TNNI1: variants seen among roughly 807,000 people sequenced by gnomAD.
TNNI1 encodes the protein troponin I1, slow skeletal type, also known as troponin I, slow skeletal muscle.
Under a neutral mutation model 26.7 loss-of-function variants are expected in TNNI1, and 14 were observed. The observed-to-expected ratio is 0.52, with a 90% CI of 0.35 to 0.82. TNNI1 has a LOEUF of 0.82. TNNI1 is among the 40% of genes least tolerant of loss of function. The pLI, the probability that TNNI1 is intolerant of heterozygous loss-of-function variation, is 0.01. For synonymous variants in TNNI1, 79 were observed against 98.2 expected (o/e 0.80, Z 1.16); for missense variants, 164 against 257.0 (o/e 0.64, Z 2.47).
chr1:201,417,755 G>A (rs780185941), intron 2 of TNNI1, 28 bp downstream of exon 2: 2 of 1,313,766 alleles, frequency 1.5e-6, no homozygotes. Flanking sequence ...GCCTTCCTGG[G>A]GCCCCAGATG....
Position 201,407,152 on chromosome 1 carries a change from AAGG to A in TNNI1, c.*2098_*2100del, listed in dbSNP as rs1662534157. On this transcript the variant is annotated 3_prime_UTR_variant, in exon 9 of 9. Transcript: ENST00000361379. The stretch of plus-strand genomic sequence containing the variant: ...GGGAAGAGCTGGAAAGAGGTGAAAC[AAGG>A]AGATCGCTTTGGATCCAGGCCAACC... 6.6e-6 allele frequency: 1 copy of A among 152,390 alleles called. No individual in the cohort carries two copies. The highest frequency in any genetic ancestry group is 6.5e-5 in the Admixed American group (1 of 15,304). 9.4% of individuals were successfully genotyped at this position (152,390 alleles called of 1,614,324 possible). A position where few individuals can be genotyped will look rare whatever the true frequency, so the allele number is the denominator to read the frequency against.
chr1:201,417,914 A>G, intron 1 of TNNI1, 102 bp from the exon 2 acceptor site: 1 of 875,560 alleles, frequency 1.1e-6, no homozygotes, highest in Non-Finnish European at 1.6e-6. Flanking sequence ...TCAGAACACA[A>G]AAGGAAGAAA....
rs1171639847 is a variant in TNNI1, at chr1:201,408,663, T to C, written c.*590A>G. 6.6e-6 allele frequency: 1 copy of C among 151,544 alleles called. No individual in the cohort carries two copies. Among genetic ancestry groups the C allele is most frequent in the Non-Finnish European group, 1.5e-5 (1 of 67,910 alleles). The allele number at this position is 151,544 out of a possible 1,614,324, so 9.4% of individuals were successfully genotyped here. ...TGAGCTGAGCATCCTGGGTGGTGAG[T>C]GTGTGCAGTGTGACGTCACAGGGAC... On this transcript the variant is annotated 3_prime_UTR_variant, in exon 9 of 9. Transcript: ENST00000361379.
rs1662778233 is a variant in TNNI1 at position 201,417,824 on chromosome 1, A to G, written c.-19-12T>C. 3.8e-6 allele frequency: 5 copies of G among 1,312,776 alleles called. No individual in the cohort carries two copies. The East Asian group carries it at 1.1e-4, about 29-fold the overall frequency. 81.3% of individuals were successfully genotyped at this position (1,312,776 alleles called of 1,614,324 possible). A position where few individuals can be genotyped will look rare whatever the true frequency, so the allele number is the denominator to read the frequency against. The stretch of plus-strand genomic sequence containing the variant: ...CAGTGAGACAGCACCTAGGGGGCAC[A>G]GAGGAATCATTCATAAGGGAAAGTG... On this transcript the variant is annotated splice_polypyrimidine_tract_variant and intron_variant, in intron 1 of 8. Transcript: ENST00000361379.
intron 4 of TNNI1, among the ~76,000 whole-genome samples, chr1:201,414,854 G>T (rs376516303): frequency 6.6e-6 from 1 of 152,204 alleles, no homozygotes; most frequent in African/African-American, 2.4e-5. Context: ...TGTTTTCCCC[G>T]GACAGTCTTC....
chr1:201,417,009 C>T, intron 3 of TNNI1, 107 bp downstream of exon 3: 2 of 1,367,146 alleles, frequency 1.5e-6, no homozygotes, highest in Non-Finnish European at 2.1e-6. Flanking sequence ...GGACTCCCAC[C>T]AGGCCTTAAC....
At chr1:201,414,347 C>T (rs1359441919) in intron 5 of TNNI1, among the ~76,000 whole-genome samples, 171 bp downstream of exon 5, 2 of 152,254 alleles carry the variant, frequency 1.3e-5, no homozygotes, top group African/African-American at 2.4e-5. Flanking sequence ...ATCTAATGTT[C>T]CCACCTCACA....
intron 5 of TNNI1, among the ~76,000 whole-genome samples, chr1:201,413,563 G>A (rs1008316229): frequency 6.6e-6 from 1 of 152,180 alleles, no homozygotes; most frequent in African/African-American, 2.4e-5. Flanking sequence ...TGACCAATGT[G>A]GTGAAACCCT....
In TNNI1 at chr1:201,414,576, T is replaced by A; in HGVS notation, c.131A>T (p.Tyr44Phe). ...CAGCGTGGGGATGCGCTCTGCCAGGTAGCGCACCTTCTCAGCCTCGCGCTC... is the reference window on the plus strand; with the variant it reads ...CAGCGTGGGGATGCGCTCTGCCAGGAAGCGCACCTTCTCAGCCTCGCGCTC... ...HEEREAEKVR[Y>F]LAERIPTLQT... The change falls in exon 5 of 9, where the codon TAC (tyrosine) becomes TTC (phenylalanine). Residue 44 changes from tyrosine (Y) to phenylalanine (F), a missense_variant. Transcript: ENST00000361379. 1 of 1,613,738 alleles carries A rather than the reference T, an allele frequency of 6.2e-7. No homozygotes were observed. The highest frequency in any genetic ancestry group is 8.5e-7 in the Non-Finnish European group (1 of 1,179,976).
chr1:201,404,954 C>G lies in TNNI1; in HGVS notation c.*4299G>C, dbSNP rs574479564. ...TGGAACACCTCCCCTGACTGCCAGGCAAAGCCATACCTCTCTCCTGAACCC... is the reference window on the plus strand; with the variant it reads ...TGGAACACCTCCCCTGACTGCCAGGGAAAGCCATACCTCTCTCCTGAACCC... On this transcript the variant is annotated 3_prime_UTR_variant, in exon 9 of 9. Coordinates refer to ENST00000361379, the MANE Select transcript of TNNI1 (RefSeq NM_003281.4). 6.6e-6 allele frequency: 1 copy of G among 152,566 alleles called. No individual in the cohort carries two copies. Among genetic ancestry groups the G allele is most frequent in the East Asian group, 1.9e-4 (1 of 5,194 alleles). The allele number at this position is 152,566 out of a possible 1,614,324, so 9.5% of individuals were successfully genotyped here. A position where few individuals can be genotyped will look rare whatever the true frequency, so the allele number is the denominator to read the frequency against.
intron 1 of TNNI1, among the ~76,000 whole-genome samples, chr1:201,419,606 T>C (rs1363715027): frequency 1.3e-5 from 2 of 152,186 alleles, no homozygotes; most frequent in Non-Finnish European, 2.9e-5. Context: ...CTGCCAATAA[T>C]TGTATCCCAG....
At chr1:201,419,592 G>A (rs974154096) in intron 1 of TNNI1, among the ~76,000 whole-genome samples, 1 of 152,186 alleles carries the variant, frequency 6.6e-6, no homozygotes, top group African/African-American at 2.4e-5. Context: ...CACTTGTAAA[G>A]TGCCTGCCAA....
At position 201,414,515 on chromosome 1, in the gene TNNI1, A is replaced by C. The variant is rs2026594; in HGVS notation, c.189+3T>G. 0.84 allele frequency: 1,327,941 copies of C among 1,585,684 alleles called. 557,101 individuals are homozygous for C. The highest frequency in any genetic ancestry group is 0.88 in the Admixed American group (50,680 of 57,594). On this transcript the variant is annotated splice_donor_region_variant and intron_variant, in intron 5 of 8. Coordinates refer to ENST00000361379, the MANE Select transcript of TNNI1 (RefSeq NM_003281.4). Reference sequence around the variant, plus strand: ...CCTGCCCCGCCCCACCTGCCAGGCTAACCTGCAGGGCACTGAGGGACAGGC... The same window carrying C: ...CCTGCCCCGCCCCACCTGCCAGGCTCACCTGCAGGGCACTGAGGGACAGGC...
chr1:201,412,741 A>C (rs948870683), intron 6 of TNNI1, among the ~76,000 whole-genome samples: 1 of 152,238 alleles, frequency 6.6e-6, no homozygotes, highest in Non-Finnish European at 1.5e-5. Context: ...CAAAGGTAAG[A>C]CGTTATTAAC....
At chr1:201,410,264 G>A (rs748553636) in intron 8 of TNNI1, 62 bp downstream of exon 8, 23 of 1,457,076 alleles carry the variant, frequency 1.6e-5, no homozygotes, top group Admixed American at 1.0e-4. Flanking sequence ...GCCCATTGTG[G>A]ACTCCCTCAT....
At chr1:201,420,580 TGTGA>T (rs2102374868) in intron 1 of TNNI1, among the ~76,000 whole-genome samples, 1 of 151,998 alleles carries the variant, frequency 6.6e-6, no homozygotes, top group African/African-American at 2.4e-5. Context: ...TGTGTGAGAG[TGTGA>T]GTGTGAGAGA....
At chr1:201,420,586 TGTGA>T (rs1481829479) in intron 1 of TNNI1, among the ~76,000 whole-genome samples, 1 of 151,842 alleles carries the variant, frequency 6.6e-6, no homozygotes, top group African/African-American at 2.4e-5. Context: ...AGAGTGTGAG[TGTGA>T]GAGAGAGAGC....
At chr1:201,412,459 G>A (rs1662648729) in intron 6 of TNNI1, among the ~76,000 whole-genome samples, 1 of 152,100 alleles carries the variant, frequency 6.6e-6, no homozygotes, top group South Asian at 2.1e-4. Flanking sequence ...TGCCCCAAAG[G>A]AGCCCTGTCC....
At chr1:201,413,333 G>A (rs1662670091) in intron 5 of TNNI1, among the ~76,000 whole-genome samples, 1 of 152,202 alleles carries the variant, frequency 6.6e-6, no homozygotes. Context: ...TTAAAAAATA[G>A]TATTCCTTCG....
Sources: gnomAD v4.1 joint callset for allele counts (sites outside exome capture counted in the v4.1 genomes callset) on GRCh38, gnomAD v4.1.1 for gene constraint, MANE v1.5 for transcripts, NCBI Gene and HGNC (gene_info 2026-07-23, HGNC 2026-07-21) for gene names.